Variants in VPS8 observed in about 807,000 individuals in gnomAD.
VPS8 encodes vacuolar protein sorting-associated protein 8 homolog.
VPS8 carries 129 observed loss-of-function variants against 216.4 expected under a neutral mutation model. The observed-to-expected ratio is 0.60, with a 90% CI of 0.52 to 0.69. VPS8 has a LOEUF of 0.69. Among genes scored for constraint, VPS8 ranks in the 30% least tolerant of loss-of-function variants. The pLI, the probability that VPS8 is intolerant of heterozygous loss-of-function variation, is 0.00. For missense variants in VPS8, 1,531 were observed against 1,683.5 expected (o/e 0.91, Z 1.59); for synonymous variants, 571 against 565.4 (o/e 1.01, Z -0.14).
intron 30 of VPS8, among the ~76,000 whole-genome samples, chr3:184,925,740 C>G: frequency 6.6e-6 from 1 of 151,396 alleles, no homozygotes; most frequent in Non-Finnish European, 1.5e-5. Context: ...ATTGACAACA[C>G]TGCCTTATAG....
At chr3:185,049,691 A>G (rs1280534713) in intron 47 of VPS8, among the ~76,000 whole-genome samples, 2 of 151,466 alleles carry the variant, frequency 1.3e-5, no homozygotes, top group East Asian at 3.9e-4. Context: ...TCACTCCCCA[A>G]ATCACACCTC....
chr3:184,950,829 G>A (rs936583206), intron 36 of VPS8, among the ~76,000 whole-genome samples: 2 of 152,068 alleles, frequency 1.3e-5, no homozygotes, highest in Non-Finnish European at 2.9e-5. Context: ...TTGGTTTTCT[G>A]TTCCTGTGTT....
chr3:185,051,729 T>G, intron 47 of VPS8, 147 bp from the exon 48 acceptor site: 7 of 980,588 alleles, frequency 7.1e-6, no homozygotes, highest in South Asian at 2.3e-5. Flanking sequence ...TGCTCGTTTG[T>G]GATATATGGA....
chr3:184,961,834 T>C (rs575257983), intron 37 of VPS8, among the ~76,000 whole-genome samples: 101 of 152,126 alleles, frequency 6.6e-4, no homozygotes, highest in Middle Eastern at 6.8e-3. Context: ...TGGCATGATC[T>C]CGGCTCACTG....
Position 184,867,817 on chromosome 3 carries a change from G to A in VPS8, c.1471-207G>A, listed in dbSNP as rs535998608. Among the ~76,000 whole-genome samples, 85 of 152,322 alleles carry A rather than the reference G, an allele frequency of 5.6e-4. No homozygotes were observed. In the East Asian group the frequency reaches 0.013, roughly 24 times the overall value. ...GCCAAGATCCCGCTGCTGCACTCCA[G>A]CCTGGGCAACAGAGCGAGACTCTGT... On this transcript the variant is annotated intron_variant, in intron 17 of 47. Transcript: ENST00000625842.
chr3:184,982,375 T>G (rs1051081159), intron 40 of VPS8, 191 bp from the exon 41 acceptor site: 18 of 554,076 alleles, frequency 3.2e-5, no homozygotes, highest in Non-Finnish European at 5.0e-5. Context: ...CTGTGGTTTC[T>G]GCTTTGTATT....
chr3:185,029,917 G>C (rs1438020486), intron 46 of VPS8, among the ~76,000 whole-genome samples: 1 of 152,126 alleles, frequency 6.6e-6, no homozygotes, highest in Non-Finnish European at 1.5e-5. Context: ...CTTTACAAAA[G>C]CTTTAAATTG....
chr3:185,027,329 G>A (rs956460248), intron 46 of VPS8, among the ~76,000 whole-genome samples: 6 of 140,006 alleles, frequency 4.3e-5, no homozygotes, highest in Admixed American at 3.2e-4. Flanking sequence ...TGCAAGCTTC[G>A]CCTCCCGGGT....
rs193250131 is a variant in VPS8, at chr3:184,978,559, C to T, written c.3421-4007C>T. Among the ~76,000 whole-genome samples, 26 of 152,126 alleles carry T rather than the reference C, an allele frequency of 1.7e-4. 1 individual carries two copies. The highest frequency in any genetic ancestry group is 1.2e-3 in the South Asian group (6 of 4,810). On this transcript the variant is annotated intron_variant, in intron 40 of 47. Transcript: ENST00000625842. ...GGGACTATAGGCACACACCACCACA[C>T]CCTGCTAACTTTTGTGTTTTTGTAG...
intron 46 of VPS8, among the ~76,000 whole-genome samples, chr3:185,034,209 A>G (rs938994360): frequency 3.3e-5 from 5 of 152,166 alleles, no homozygotes; most frequent in Non-Finnish European, 7.4e-5. Flanking sequence ...TGTTACTGCA[A>G]AGGATGTGAT....
At chr3:184,990,230 T>C (rs1751707955) in intron 42 of VPS8, among the ~76,000 whole-genome samples, 1 of 152,162 alleles carries the variant, frequency 6.6e-6, no homozygotes, top group Admixed American at 6.5e-5. Context: ...CTCTACTCTG[T>C]CTCCTAGAAT....
chr3:185,007,468 T>A (rs1344295557), intron 45 of VPS8, among the ~76,000 whole-genome samples: 1 of 152,244 alleles, frequency 6.6e-6, no homozygotes, highest in Non-Finnish European at 1.5e-5. Flanking sequence ...CTATTAATTG[T>A]TTAAAAAATA....
intron 1 of VPS8, 73 bp from the exon 2 acceptor site, chr3:184,824,472 T>A (rs760065461): frequency 2.7e-6 from 2 of 739,706 alleles, no homozygotes; most frequent in Non-Finnish European, 4.3e-6. Context: ...GTCTTTGGAA[T>A]GTCCAATTGA....
chr3:184,874,241 A>G (rs1728852787), intron 21 of VPS8, among the ~76,000 whole-genome samples: 1 of 152,202 alleles, frequency 6.6e-6, no homozygotes. Flanking sequence ...GTGACGTAAC[A>G]TAATTGATTT....
At chr3:184,823,004 T>C (rs1717937814) in intron 1 of VPS8, among the ~76,000 whole-genome samples, 1 of 152,214 alleles carries the variant, frequency 6.6e-6, no homozygotes, top group Admixed American at 6.5e-5. Context: ...GTGTAATAGC[T>C]AGAAAAGTTG....
chr3:184,960,190 T>A (rs532847113), intron 37 of VPS8, among the ~76,000 whole-genome samples: 1 of 152,298 alleles, frequency 6.6e-6, no homozygotes, highest in South Asian at 2.1e-4. Context: ...ATGGCTGCAT[T>A]GTATTCCATG....
chr3:184,849,673 GA>G (rs1220216930), intron 9 of VPS8: 10 of 446,552 alleles, frequency 2.2e-5, no homozygotes, highest in Non-Finnish European at 1.6e-5. Context: ...ACTTATTAGA[GA>G]AATATCTTTT....
At chr3:184,976,366 G>A (rs1349003228) in intron 40 of VPS8, among the ~76,000 whole-genome samples, 1 of 151,298 alleles carries the variant, frequency 6.6e-6, no homozygotes, top group Non-Finnish European at 1.5e-5. Context: ...TCTTTTGATT[G>A]GCAGCCTGTA....
intron 25 of VPS8, among the ~76,000 whole-genome samples, chr3:184,912,645 C>T (rs532018101): frequency 2.6e-5 from 4 of 152,036 alleles, no homozygotes; most frequent in African/African-American, 4.8e-5. Flanking sequence ...ATGTGTCATA[C>T]GAGTTGATGT....
Sources: allele counts gnomAD v4.1 joint callset (sites outside exome capture counted in the v4.1 genomes callset), GRCh38; gene constraint gnomAD v4.1.1; transcripts MANE v1.5; gene names NCBI Gene and HGNC (gene_info 2026-07-23, HGNC 2026-07-21).